PTPRD: variants seen among roughly 807,000 people sequenced by gnomAD.
The protein encoded by PTPRD is receptor-type tyrosine-protein phosphatase delta.
A neutral mutation model predicts 214.5 loss-of-function variants in PTPRD; 34 were observed. The ratio of observed to expected loss-of-function variants is 0.16; its 90% CI spans 0.12 to 0.21. The LOEUF (loss-of-function observed/expected upper bound fraction) is 0.21. PTPRD is among the 10% of genes least tolerant of loss of function. The pLI, the probability that PTPRD is intolerant of heterozygous loss-of-function variation, is 1.00. For synonymous variants in PTPRD, 1,128 were observed against 845.7 expected (o/e 1.33, Z -5.79); for missense variants, 2,545 against 2,398.7 (o/e 1.06, Z -1.27).
At chr9:9,547,308 A>G (rs1203154350) in intron 8 of PTPRD, among the ~76,000 whole-genome samples, 2 of 152,100 alleles carry the variant, frequency 1.3e-5, no homozygotes, top group East Asian at 1.9e-4. Flanking sequence ...TACAGTGTGC[A>G]TATTCCATTT....
At chr9:8,379,710 G>C (rs972422206) in intron 37 of PTPRD, among the ~76,000 whole-genome samples, 4 of 152,140 alleles carry the variant, frequency 2.6e-5, no homozygotes, top group Non-Finnish European at 2.9e-5. Context: ...CACACATAAA[G>C]CTGATTGTGA....
At chr9:10,451,457 A>C (rs746064853) in intron 2 of PTPRD, among the ~76,000 whole-genome samples, 10 of 151,514 alleles carry the variant, frequency 6.6e-5, no homozygotes, top group Non-Finnish European at 1.2e-4. Flanking sequence ...TGTGGATGAG[A>C]TCCTTAATGA....
intron 4 of PTPRD, among the ~76,000 whole-genome samples, chr9:9,997,936 T>C (rs2154088122): frequency 6.6e-6 from 1 of 151,758 alleles, no homozygotes; most frequent in East Asian, 1.9e-4. Context: ...GGCCAGGTTT[T>C]TCACAGGCTA....
chr9:10,572,386 T>C (rs1007213888), intron 2 of PTPRD, among the ~76,000 whole-genome samples: 2 of 152,206 alleles, frequency 1.3e-5, no homozygotes, highest in Non-Finnish European at 2.9e-5. Context: ...AGTGCAGTAT[T>C]GTTAAGTCAT....
intron 14 of PTPRD, among the ~76,000 whole-genome samples, chr9:8,630,809 T>G (rs528718670): frequency 9.5e-4 from 145 of 151,864 alleles, no homozygotes; most frequent in Non-Finnish European, 1.9e-3. Flanking sequence ...CATTAATCCA[T>G]GTAAATTTCT....
chr9:9,637,370 T>C (rs1304856638), intron 7 of PTPRD, among the ~76,000 whole-genome samples: 1 of 152,220 alleles, frequency 6.6e-6, no homozygotes. Flanking sequence ...ACAAGTTATG[T>C]ACTTCCAAAA....
intron 11 of PTPRD, among the ~76,000 whole-genome samples, chr9:8,929,787 ATATATG>A (rs2098934767): frequency 1.6e-5 from 2 of 123,438 alleles, no homozygotes; most frequent in African/African-American, 6.2e-5. Flanking sequence ...ATGGGTGTGT[ATATATG>A]TGTGTGTATA....
At chr9:9,015,934 A>C (rs10816033) in intron 11 of PTPRD, among the ~76,000 whole-genome samples, 1 of 152,016 alleles carries the variant, frequency 6.6e-6, no homozygotes, top group African/African-American at 2.4e-5. Context: ...AATAAGTAGA[A>C]AGAAAGTAGA....
At chr9:8,876,304 A>C (rs1587132058) in intron 11 of PTPRD, among the ~76,000 whole-genome samples, 1 of 152,098 alleles carries the variant, frequency 6.6e-6, no homozygotes, top group Non-Finnish European at 1.5e-5. Context: ...TAAATACTAC[A>C]CTTGGGGTAT....
intron 7 of PTPRD, among the ~76,000 whole-genome samples, chr9:9,660,415 C>T (rs2096600701): frequency 6.6e-6 from 1 of 151,728 alleles, no homozygotes; most frequent in South Asian, 2.1e-4. Flanking sequence ...TGTTGGTGGC[C>T]CTGGGTCAGT....
In PTPRD at chr9:10,395,954, T is replaced by TGAGAGAGAGAGAGAGAGA. The variant is rs368100918; in HGVS notation, c.-599-54955_-599-54938dup. Among the ~76,000 whole-genome samples the TGAGAGAGAGAGAGAGAGA allele has an allele frequency of 1.2e-3, 165 of 134,354 alleles. 2 individuals are homozygous for TGAGAGAGAGAGAGAGAGA. The highest frequency in any genetic ancestry group is 3.8e-3 in the Middle Eastern group (1 of 266). The allele number at this position is 134,354 out of a possible 152,430, so 88.1% of individuals were successfully genotyped here. On this transcript the variant is annotated intron_variant, in intron 2 of 45. Transcript: ENST00000381196. ...AAGCCACAGAGGGACATAGAGAGAA[T>TGAGAGAGAGAGAGAGAGA]GAGAGAGAGAGAGAGAGAGAGAGAG...
At chr9:9,193,716 C>A (rs1449900378) in intron 9 of PTPRD, among the ~76,000 whole-genome samples, 2 of 152,018 alleles carry the variant, frequency 1.3e-5, no homozygotes, top group Non-Finnish European at 2.9e-5. Flanking sequence ...CTGTGTAGGG[C>A]ACTTACCATG....
intron 8 of PTPRD, among the ~76,000 whole-genome samples, chr9:9,405,380 C>G (rs1041636604): frequency 4.6e-5 from 7 of 151,876 alleles, no homozygotes; most frequent in Admixed American, 1.3e-4. Context: ...AAGTTGTAGG[C>G]AAAGCAACAA....
At chr9:9,909,628 T>C (rs1245140969) in intron 5 of PTPRD, among the ~76,000 whole-genome samples, 1 of 151,956 alleles carries the variant, frequency 6.6e-6, no homozygotes, top group Non-Finnish European at 1.5e-5. Context: ...TATGTCAAAA[T>C]GTAAAATTAC....
At position 8,863,854 on chromosome 9, in the gene PTPRD, G is replaced by A. The variant is rs149993189; in HGVS notation, c.-103-129908C>T. On this transcript the variant is annotated intron_variant, in intron 11 of 45. Transcript: ENST00000381196. ...ATACATTTTTTAAATTATATCTTCA[G>A]TAGGAAAGGCAGAGCTGATTAGGGA... 4.2e-3 allele frequency among the ~76,000 whole-genome samples: 636 copies of A among 152,204 alleles called. 3 individuals are homozygous for A. The highest frequency in any genetic ancestry group is 0.015 in the African/African-American group (610 of 41,490).
At chr9:10,294,709 T>C (rs1305610981) in intron 3 of PTPRD, among the ~76,000 whole-genome samples, 1 of 151,920 alleles carries the variant, frequency 6.6e-6, no homozygotes, top group Non-Finnish European at 1.5e-5. Flanking sequence ...TTCTAAGAGG[T>C]AAATTATGTA....
chr9:8,490,750 T>A (rs2097133265), intron 27 of PTPRD, among the ~76,000 whole-genome samples: 2 of 152,160 alleles, frequency 1.3e-5, no homozygotes, highest in South Asian at 4.1e-4. Flanking sequence ...CTTACGTAGA[T>A]TACTTAAATT....
intron 8 of PTPRD, among the ~76,000 whole-genome samples, chr9:9,429,348 C>T (rs1296046881): frequency 6.6e-6 from 1 of 152,004 alleles, no homozygotes; most frequent in Admixed American, 6.6e-5. Flanking sequence ...AAGACTAAAC[C>T]AGGAAAAAGT....
intron 7 of PTPRD, among the ~76,000 whole-genome samples, chr9:9,583,402 A>C (rs570282574): frequency 1.3e-5 from 2 of 152,222 alleles, no homozygotes; most frequent in African/African-American, 4.8e-5. Context: ...TGTATTGAAA[A>C]GATTGACAAC....
Sources: gnomAD v4.1 joint callset for allele counts (sites outside exome capture counted in the v4.1 genomes callset) on GRCh38, gnomAD v4.1.1 for gene constraint, MANE v1.5 for transcripts, NCBI Gene and HGNC (gene_info 2026-07-23, HGNC 2026-07-21) for gene names.